Variants in CAST observed in about 807,000 individuals in gnomAD.
CAST encodes calpastatin, also known as MIR583 host.
A neutral mutation model predicts 119.6 loss-of-function variants in CAST; 76 were observed. The ratio of observed to expected loss-of-function variants is 0.64; its 90% confidence interval spans 0.53 to 0.77. The LOEUF is 0.77. Among genes scored for constraint, CAST ranks in the 30% least tolerant of loss-of-function variants. The pLI is 0.00. For missense variants in CAST, 953 were observed against 946.5 expected (o/e 1.01, Z -0.09); for synonymous variants, 319 against 331.6 (o/e 0.96, Z 0.41).
chr5:96,549,507 A>G (rs1271540507), intron 1 of CAST, among the ~76,000 whole-genome samples: 4 of 152,186 alleles, frequency 2.6e-5, no homozygotes, highest in Admixed American at 2.0e-4. Context: ...TGCATTTCCA[A>G]CTGAGGTACC....
At chr5:96,700,073 C>T (rs1336565232) in intron 3 of CAST, among the ~76,000 whole-genome samples, 1 of 152,148 alleles carries the variant, frequency 6.6e-6, no homozygotes, top group African/African-American at 2.4e-5. Context: ...TCTTACTTTT[C>T]TCATCTGTAA....
chr5:96,384,352 T>G, the CAST span, among the ~76,000 whole-genome samples: 1 of 152,196 alleles, frequency 6.6e-6, no homozygotes, highest in Non-Finnish European at 1.5e-5. Context: ...TAATTATTGT[T>G]CAATAAGATA....
chr5:96,185,433 T>C, the CAST span, among the ~76,000 whole-genome samples: 3 of 152,228 alleles, frequency 2.0e-5, no homozygotes, highest in African/African-American at 7.2e-5. Flanking sequence ...CATGCCTATG[T>C]CCTGAATGAT....
At chr5:96,770,429 A>G in intron 29 of CAST, 102 bp from the exon 30 acceptor site, 2 of 687,124 alleles carry the variant, frequency 2.9e-6, no homozygotes, top group Non-Finnish European at 2.6e-6. Context: ...ATTTAATTAA[A>G]TTGGAGATCT....
the CAST span, among the ~76,000 whole-genome samples, chr5:96,059,600 A>G: frequency 7.3e-6 from 1 of 137,550 alleles, no homozygotes; most frequent in Non-Finnish European, 1.5e-5. Context: ...AGGGAGTGGT[A>G]TGTGAAGGGA....
At chr5:96,081,121 G>C in the CAST span, among the ~76,000 whole-genome samples, 1 of 152,230 alleles carries the variant, frequency 6.6e-6, no homozygotes, top group Non-Finnish European at 1.5e-5. Context: ...AGGACAGAAA[G>C]TTCTTCAGAC....
At chr5:96,616,744 C>CTCTCTCTCTATA (rs796241546) in intron 1 of CAST, among the ~76,000 whole-genome samples, 1 of 122,974 alleles carries the variant, frequency 8.1e-6, no homozygotes, top group Admixed American at 7.7e-5. Context: ...CTCTCTCTCT[C>CTCTCTCTCTATA]TATATATATA....
intron 4 of CAST, among the ~76,000 whole-genome samples, chr5:96,726,213 A>G (rs1412315279): frequency 1.3e-5 from 2 of 152,092 alleles, no homozygotes; most frequent in Admixed American, 6.5e-5. Context: ...TATCTTGCCT[A>G]TATTGAGAAT....
At chr5:96,679,040 C>T (rs1751026964) in intron 2 of CAST, among the ~76,000 whole-genome samples, 1 of 151,990 alleles carries the variant, frequency 6.6e-6, no homozygotes, top group African/African-American at 2.4e-5. Flanking sequence ...TACTCTGTCA[C>T]CCAGGCTGGA....
At chr5:96,332,419 T>A in the CAST span, among the ~76,000 whole-genome samples, 102 of 152,264 alleles carry the variant, frequency 6.7e-4, no homozygotes, top group Non-Finnish European at 1.3e-3. Context: ...TTTCGGCTTT[T>A]TTTTTTTACT....
chr5:96,526,255 A>G (rs1580810698), upstream of CAST, among the ~76,000 whole-genome samples: 2 of 152,334 alleles, frequency 1.3e-5, no homozygotes, highest in Non-Finnish European at 2.9e-5. Context: ...CAGATGACTG[A>G]GACTTATATA....
chr5:96,416,113 G>C, the CAST span: 2 of 1,607,636 alleles, frequency 1.2e-6, no homozygotes, highest in African/African-American at 2.7e-5. Flanking sequence ...TGCACATCTG[G>C]TCCCGTGTCT....
the CAST span, among the ~76,000 whole-genome samples, chr5:96,452,542 G>A: frequency 6.8e-6 from 1 of 146,980 alleles, no homozygotes; most frequent in Non-Finnish European, 1.5e-5. Flanking sequence ...ACCTAATGTA[G>A]ATGACGTGTT....
At chr5:96,121,785 T>G in the CAST span, among the ~76,000 whole-genome samples, 15 of 152,094 alleles carry the variant, frequency 9.9e-5, no homozygotes, top group Non-Finnish European at 4.4e-5. Context: ...GGGACACTCC[T>G]GGGATGGAAA....
chr5:96,477,978 TC>T, the CAST span, among the ~76,000 whole-genome samples: 1 of 152,166 alleles, frequency 6.6e-6, no homozygotes, highest in Non-Finnish European at 1.5e-5. Flanking sequence ...TGTTCAAATA[TC>T]CATTTTCATG....
At chr5:96,176,344 A>T in the CAST span, among the ~76,000 whole-genome samples, 2 of 152,250 alleles carry the variant, frequency 1.3e-5, no homozygotes, top group Admixed American at 6.5e-5. Flanking sequence ...TTTTAGGCTG[A>T]GGAAAAGGAC....
chr5:96,450,135 C>T, the CAST span, among the ~76,000 whole-genome samples: 2 of 152,158 alleles, frequency 1.3e-5, no homozygotes, highest in Non-Finnish European at 2.9e-5. Context: ...TTTACAACAG[C>T]AAAGTCATGG....
chr5:96,415,805 AT>A, the CAST span, among the ~76,000 whole-genome samples: 1 of 151,130 alleles, frequency 6.6e-6, no homozygotes, highest in Non-Finnish European at 1.5e-5. Context: ...ACATTTCCAC[AT>A]TTTTTTTTCC....
chr5:96,076,730 C>T, the CAST span, among the ~76,000 whole-genome samples: 1 of 152,040 alleles, frequency 6.6e-6, no homozygotes, highest in Non-Finnish European at 1.5e-5. Flanking sequence ...AAGTAATAAC[C>T]ATCAAGCTCA....
Sources: allele counts gnomAD v4.1 joint callset (sites outside exome capture counted in the v4.1 genomes callset), GRCh38; gene constraint gnomAD v4.1.1; transcripts MANE v1.5; gene names NCBI Gene and HGNC (gene_info 2026-07-23, HGNC 2026-07-21).